BMX: variants seen among roughly 807,000 people sequenced by gnomAD.
BMX encodes the protein BMX non-receptor tyrosine kinase, also known as cytoplasmic tyrosine-protein kinase BMX.
A neutral mutation model predicts 59.2 loss-of-function variants in BMX; 31 were observed. That is an observed-to-expected ratio of 0.52 (90% CI 0.39 to 0.71). The LOEUF is 0.71. BMX is among the 30% of genes least tolerant of loss of function. The pLI is 0.00. For synonymous variants in BMX, 185 were observed against 181.0 expected, an observed-to-expected ratio of 1.02 and a Z score of -0.18; for missense variants, 474 against 491.7, an observed-to-expected ratio of 0.96 and a Z score of 0.34.
intron 1 of BMX, among the ~76,000 whole-genome samples, chrX:15,505,255 G>A (rs73635803): frequency 0.09 from 10,046 of 111,861 alleles, 1,069 homozygotes; most frequent in African/African-American, 0.3. Flanking sequence ...GCCCAAGCCT[G>A]AGCAGAAACC....
rs778879079 is a variant in BMX at position 15,517,641 on chromosome X, G to A, written c.446-288G>A. Among the ~76,000 whole-genome samples the A allele has an allele frequency of 1.7e-3, 195 of 112,545 alleles. 1 individual carries two copies. The highest frequency in any genetic ancestry group is 5.7e-3 in the African/African-American group (178 of 31,033). ...TTATTCCCTTGGCTTCTTCTGCTGA[G>A]CTACTGGGAAGTCCATGGGCATAAC... On this transcript the variant is annotated intron_variant, in intron 5 of 18. Coordinates refer to ENST00000348343, the MANE Select transcript of BMX (RefSeq NM_203281.3).
At chrX:15,510,048 G>C (rs1923894579) in intron 3 of BMX, among the ~76,000 whole-genome samples, 1 of 111,803 alleles carries the variant, frequency 8.9e-6, no homozygotes, top group Non-Finnish European at 1.9e-5. Context: ...GACACATTTA[G>C]AGAGCACTAA....
At chrX:15,534,475 C>T (rs1403301128) in intron 12 of BMX, 136 bp downstream of exon 12, 85 of 553,082 alleles carry the variant, frequency 1.5e-4, no homozygotes, top group Non-Finnish European at 3.5e-5. Flanking sequence ...AGTCTTTTGC[C>T]TATCATAATT....
intron 16 of BMX, among the ~76,000 whole-genome samples, chrX:15,546,374 G>A (rs990183752): frequency 9.0e-6 from 1 of 111,564 alleles, no homozygotes; most frequent in South Asian, 3.7e-4. Flanking sequence ...AAATGTAACC[G>A]TATGGGGAAA....
At chrX:15,550,665 TACACACACACACAC>T (rs58905214) in intron 18 of BMX, among the ~76,000 whole-genome samples, 25 of 86,764 alleles carry the variant, frequency 2.9e-4, no homozygotes, top group Admixed American at 1.2e-3. Context: ...TCAAAGTCTT[TACACACACACACAC>T]ACACACACAC....
chrX:15,514,464 C>T (rs1422281602), intron 4 of BMX, among the ~76,000 whole-genome samples: 1 of 111,361 alleles, frequency 9.0e-6, no homozygotes, highest in East Asian at 2.8e-4. Context: ...TAATTATTAT[C>T]TCCATACGCT....
At chrX:15,506,216 T>C (rs1477347720) in intron 1 of BMX, among the ~76,000 whole-genome samples, 1 of 111,722 alleles carries the variant, frequency 9.0e-6, no homozygotes, top group Non-Finnish European at 1.9e-5. Context: ...GAAAGTTCTA[T>C]AGACAGAAAA....
At chrX:15,537,901 T>C (rs1925448098) in intron 14 of BMX, among the ~76,000 whole-genome samples, 1 of 111,009 alleles carries the variant, frequency 9.0e-6, no homozygotes, top group African/African-American at 3.3e-5. Context: ...GCATGTCTCC[T>C]TGGCCCTGTG....
At chrX:15,510,606 C>A (rs1236173135) in intron 3 of BMX, among the ~76,000 whole-genome samples, 2 of 111,811 alleles carry the variant, frequency 1.8e-5, no homozygotes, top group Non-Finnish European at 3.8e-5. Context: ...CTCATAGAGG[C>A]ATAGTGCTCA....
rs183416917 is a variant in BMX at position 15,544,382 on chromosome X, C to T, written c.1676+1247C>T. On this transcript the variant is annotated intron_variant, in intron 16 of 18. Coordinates refer to ENST00000348343, the MANE Select transcript of BMX (RefSeq NM_203281.3). ...ATACACTGAGTCCCCTACACTGACCCTCCAAACATGTAGCTTTCTCAAGAG... is the reference window on the plus strand; with the variant it reads ...ATACACTGAGTCCCCTACACTGACCTTCCAAACATGTAGCTTTCTCAAGAG... 4.1e-3 allele frequency among the ~76,000 whole-genome samples: 446 copies of T among 110,001 alleles called. 1 individual carries two copies. Among genetic ancestry groups the T allele is most frequent in the Non-Finnish European group, 6.2e-3 (327 of 52,694 alleles).
chrX:15,556,007 T>C (rs1926417778), intron 18 of BMX, 66 bp from the exon 19 acceptor site: 1 of 1,012,439 alleles, frequency 9.9e-7, no homozygotes, highest in African/African-American at 1.9e-5. Flanking sequence ...AAATATTTTA[T>C]ATATTTTATC....
intron 18 of BMX, among the ~76,000 whole-genome samples, chrX:15,550,875 C>T (rs990630859): frequency 1.8e-5 from 2 of 111,558 alleles, no homozygotes; most frequent in African/African-American, 6.5e-5. Context: ...GAGAAAGCAG[C>T]TTCTTGAATG....
Position 15,513,955 on chromosome X carries a change from A to C in BMX, c.326-2157A>C, listed in dbSNP as rs182031699. The stretch of plus-strand genomic sequence containing the variant: ...TTGAATTGATTAAATTAGAGGACAT[A>C]TGTAAAGGAAAATACATAAATGTAA... On this transcript the variant is annotated intron_variant, in intron 4 of 18. Transcript: ENST00000348343. Among the ~76,000 whole-genome samples, 25 of 112,267 alleles carry C rather than the reference A, an allele frequency of 2.2e-4. 1 individual carries two copies. The East Asian group carries it at 6.4e-3, about 29-fold the overall frequency.
Position 15,510,636 on chromosome X carries a change from GC to G in BMX, c.244-796del, listed in dbSNP as rs753406651. Among the ~76,000 whole-genome samples the G allele has an allele frequency of 6.2e-4, 69 of 112,007 alleles. 1 individual carries two copies. The highest frequency in any genetic ancestry group is 2.1e-3 in the African/African-American group (66 of 30,833). On this transcript the variant is annotated intron_variant, in intron 3 of 18. Transcript: ENST00000348343. ...TGCTCAAAAGATCACAGGCTTTGGA[GC>G]CCCCAGAGAGTTCCTAGTTCCACCA...
chrX:15,509,789 A>T (rs1038356778), intron 3 of BMX, among the ~76,000 whole-genome samples: 3 of 111,657 alleles, frequency 2.7e-5, no homozygotes, highest in Non-Finnish European at 5.7e-5. Flanking sequence ...GGGAAGTGGC[A>T]AAATAGACTA....
At chrX:15,549,197 G>C (rs1037273613) in intron 17 of BMX, among the ~76,000 whole-genome samples, 4 of 110,547 alleles carry the variant, frequency 3.6e-5, no homozygotes, top group Admixed American at 2.9e-4. Context: ...TGAGTTTTGG[G>C]GGACTGTGAA....
At position 15,525,372 on chromosome X, in the gene BMX, C is replaced by A; in HGVS notation, c.830+7C>A. On this transcript the variant is annotated splice_region_variant and intron_variant, in intron 8 of 18. Coordinates refer to ENST00000348343, the MANE Select transcript of BMX (RefSeq NM_203281.3). The stretch of plus-strand genomic sequence containing the variant: ...CCACCTCAAAGATTTCATGGTAAAT[C>A]AAATTCAGATATCTCCTACATCCAG... 1 of 1,194,961 alleles carries A rather than the reference C, an allele frequency of 8.4e-7. No individual in the cohort carries two copies.
chrX:15,519,216 C>T (rs1483833372), intron 6 of BMX, among the ~76,000 whole-genome samples: 1 of 111,665 alleles, frequency 9.0e-6, no homozygotes, highest in Non-Finnish European at 1.9e-5. Context: ...CATCTCCGCC[C>T]ATCTATTGGA....
At chrX:15,548,047 G>GT (rs903851939) in intron 17 of BMX, among the ~76,000 whole-genome samples, 3 of 110,743 alleles carry the variant, frequency 2.7e-5, no homozygotes, top group African/African-American at 9.9e-5. Context: ...ATTGTTCGTT[G>GT]TTAAAAAAAA....
Sources: allele counts gnomAD v4.1 joint callset (sites outside exome capture counted in the v4.1 genomes callset), GRCh38; gene constraint gnomAD v4.1.1; transcripts MANE v1.5; gene names NCBI Gene and HGNC (gene_info 2026-07-23, HGNC 2026-07-21).